The following KLF13 variants were observed in gnomAD, a reference collection of about 807,000 sequenced individuals.
The protein encoded by KLF13 is KLF transcription factor 13.
In KLF13, 8 loss-of-function variants were observed where a neutral mutation model predicts 16.7. The ratio of observed to expected loss-of-function variants is 0.48; its 90% CI spans 0.28 to 0.87. The LOEUF (loss-of-function observed/expected upper bound fraction) is 0.87. KLF13 is among the 40% of genes least tolerant of loss of function. The pLI, the probability that KLF13 is intolerant of heterozygous loss-of-function variation, is 0.10. For synonymous variants in KLF13, 245 were observed against 208.4 expected, an observed-to-expected ratio of 1.18 and a Z score of -1.51; for missense variants, 447 against 452.2, an observed-to-expected ratio of 0.99 and a Z score of 0.10.
intron 1 of KLF13, 48 bp from the exon 2 acceptor site, chr15:31,371,962 A>T: frequency 6.5e-7 from 1 of 1,535,306 alleles, no homozygotes; most frequent in Non-Finnish European, 8.8e-7. Context: ...AGAGGGTGTG[A>T]AGGCGGGGCC....
At chr15:31,433,273 G>A (rs748824407) in intron 1 of KLF13, among the ~76,000 whole-genome samples, 6 of 152,146 alleles carry the variant, frequency 3.9e-5, no homozygotes, top group African/African-American at 9.7e-5. Context: ...CCCCCTGGGA[G>A]CTCCAGCTGC....
intron 1 of KLF13, among the ~76,000 whole-genome samples, chr15:31,410,582 AACACACACACACACACAC>A (rs71110871): frequency 0.52 from 75,971 of 146,902 alleles, 20,785 homozygotes; most frequent in South Asian, 0.66. Flanking sequence ...AACACCAACC[AACACACACACACACACAC>A]ACACACACAC....
At chr15:31,364,378 A>G (rs946638574) in intron 1 of KLF13, among the ~76,000 whole-genome samples, 4 of 152,222 alleles carry the variant, frequency 2.6e-5, no homozygotes, top group Non-Finnish European at 5.9e-5. Flanking sequence ...GCACCCTGCC[A>G]GCTCTTGCAT....
chr15:31,424,678 T>C (rs75382305), intron 1 of KLF13, among the ~76,000 whole-genome samples: 2,656 of 152,202 alleles, frequency 0.017, 34 homozygotes, highest in Middle Eastern at 0.031. Flanking sequence ...AACTCAGTGG[T>C]GAAAAACTGA....
intron 2 of KLF13, among the ~76,000 whole-genome samples, chr15:31,400,304 A>G (rs1240978977): frequency 6.6e-6 from 1 of 152,220 alleles, no homozygotes; most frequent in African/African-American, 2.4e-5. Flanking sequence ...AGAGGCAAGA[A>G]ACCATCCTCA....
chr15:31,357,468 G>A (rs1012619931), intron 1 of KLF13, among the ~76,000 whole-genome samples: 7 of 152,262 alleles, frequency 4.6e-5, no homozygotes, highest in African/African-American at 1.4e-4. Context: ...GTGGCCTCCT[G>A]TGGGTGGTCT....
At chr15:31,385,138 C>G (rs1461189642) in intron 1 of KLF13, among the ~76,000 whole-genome samples, 2 of 152,198 alleles carry the variant, frequency 1.3e-5, no homozygotes, top group African/African-American at 4.8e-5. Context: ...GAGCCCCCAC[C>G]AGACGCTGGA....
downstream of KLF13, among the ~76,000 whole-genome samples, chr15:31,409,647 C>T (rs9920320): frequency 0.18 from 27,993 of 152,038 alleles, 3,267 homozygotes; most frequent in South Asian, 0.3. Context: ...AAAAAGGACA[C>T]GTTACATACA....
At chr15:31,421,507 CAT>C (rs1415491536) in intron 1 of KLF13, among the ~76,000 whole-genome samples, 1 of 151,878 alleles carries the variant, frequency 6.6e-6, no homozygotes, top group Non-Finnish European at 1.5e-5. Context: ...AAATAAATAA[CAT>C]AAAGTAGGGG....
At position 31,372,263 on chromosome 15, in the gene KLF13, C is replaced by T. The variant is rs1442756112; in HGVS notation, c.831C>T (p.Ala277=). The T allele has an allele frequency of 2.0e-6, 3 of 1,528,646 alleles. No homozygotes were observed. The highest frequency in any genetic ancestry group is 2.6e-6 in the Non-Finnish European group (3 of 1,142,334). 94.7% of individuals were successfully genotyped at this position (1,528,646 alleles called of 1,614,324 possible). A position where few individuals can be genotyped will look rare whatever the true frequency, so the allele number is the denominator to read the frequency against. The change falls in exon 2 of 2, where the codon GCC becomes GCT. Residue 277 remains alanine, a synonymous_variant. Transcript: ENST00000307145. ...GSLSDYSRSD[A]SSPTISPASS... is the part of the protein sequence containing the mutation. Reference sequence around the variant, plus strand: ...TCAGCGACTACAGCCGCTCCGACGCCAGCAGCCCCACCATCAGCCCGGCCA... The same window carrying T: ...TCAGCGACTACAGCCGCTCCGACGCTAGCAGCCCCACCATCAGCCCGGCCA...
intron 1 of KLF13, chr15:31,420,444 A>C: frequency 2.2e-6 from 2 of 898,898 alleles, no homozygotes; most frequent in Non-Finnish European, 3.6e-6. Context: ...TACCACCCCA[A>C]CATAGACACC....
chr15:31,401,597 G>A (rs1179232079), intron 2 of KLF13, among the ~76,000 whole-genome samples: 1 of 152,242 alleles, frequency 6.6e-6, no homozygotes, highest in Admixed American at 6.5e-5. Context: ...GCCACCTGGT[G>A]TGTGGGGCTG....
Position 31,409,872 on chromosome 15 carries a change from G to C in KLF13, n.117+16181G>C, listed in dbSNP as rs188722582. 2.0e-3 allele frequency among the ~76,000 whole-genome samples: 300 copies of C among 152,182 alleles called. 1 individual carries two copies. The highest frequency in any genetic ancestry group is 3.6e-3 in the Non-Finnish European group (244 of 67,998). ...CTAGCAGCCCTGCAATATAAGAAATGTTAAAGGAATTTCTTCTGGCAGAAA... is the reference window on the plus strand; with the variant it reads ...CTAGCAGCCCTGCAATATAAGAAATCTTAAAGGAATTTCTTCTGGCAGAAA... On this transcript the variant is annotated intron_variant and non_coding_transcript_variant, in intron 1 of 1. Transcript: ENST00000558225.
chr15:31,330,726 T>C (rs745333422), intron 1 of KLF13, among the ~76,000 whole-genome samples: 10 of 152,230 alleles, frequency 6.6e-5, no homozygotes, highest in Non-Finnish European at 1.0e-4. Flanking sequence ...TGTGGACACA[T>C]TGGTCTCTGT....
At chr15:31,389,493 C>A (rs974053656), upstream of KLF13, among the ~76,000 whole-genome samples, 1 of 152,194 alleles carries the variant, frequency 6.6e-6, no homozygotes, top group African/African-American at 2.4e-5. Context: ...CCCTCTGCAC[C>A]TTCTCCCTCC....
At chr15:31,396,910 A>C (rs1172996443) in intron 2 of KLF13, among the ~76,000 whole-genome samples, 1 of 152,112 alleles carries the variant, frequency 6.6e-6, no homozygotes, top group African/African-American at 2.4e-5. Flanking sequence ...TTTCTCCCAA[A>C]GTTAGTTCAG....
At chr15:31,369,380 G>T (rs2039522531) in intron 1 of KLF13, among the ~76,000 whole-genome samples, 1 of 152,216 alleles carries the variant, frequency 6.6e-6, no homozygotes, top group Admixed American at 6.5e-5. Flanking sequence ...ACCTCATGGA[G>T]TTGTTGTGAA....
chr15:31,345,881 A>G (rs971102840), intron 1 of KLF13, among the ~76,000 whole-genome samples: 15 of 152,116 alleles, frequency 9.9e-5, no homozygotes, highest in South Asian at 2.1e-4. Flanking sequence ...GAGGGCTGCA[A>G]CTGCTCCCCA....
At chr15:31,369,403 G>A (rs753593051) in intron 1 of KLF13, among the ~76,000 whole-genome samples, 5 of 152,212 alleles carry the variant, frequency 3.3e-5, no homozygotes, top group Admixed American at 6.5e-5. Context: ...ATAAATAATA[G>A]AGCATAGGAA....
Sources: allele counts gnomAD v4.1 joint callset (sites outside exome capture counted in the v4.1 genomes callset), GRCh38; gene constraint gnomAD v4.1.1; transcripts MANE v1.5; gene names NCBI Gene and HGNC (gene_info 2026-07-23, HGNC 2026-07-21).